The following MAGI2 variants were observed in gnomAD, a reference collection of about 807,000 sequenced individuals.
MAGI2 encodes the protein membrane-associated guanylate kinase, WW and PDZ domain-containing protein 2.
A neutral mutation model predicts 133.3 loss-of-function variants in MAGI2; 35 were observed. The ratio of observed to expected loss-of-function variants is 0.26; its 90% CI spans 0.20 to 0.35. The LOEUF is 0.35. MAGI2 is among the 10% of genes least tolerant of loss of function. The probability of loss-of-function intolerance (pLI) is 1.00; values close to 1 mark genes in which losing one functional copy is unlikely to be tolerated. For synonymous variants in MAGI2, 729 were observed against 710.6 expected, an observed-to-expected ratio of 1.03 and a Z score of -0.41; for missense variants, 1,636 against 1,863.4, an observed-to-expected ratio of 0.88 and a Z score of 2.25.
intron 1 of MAGI2, among the ~76,000 whole-genome samples, chr7:79,265,607 A>G (rs1469678219): frequency 3.9e-5 from 6 of 152,146 alleles, no homozygotes; most frequent in Non-Finnish European, 7.3e-5. Flanking sequence ...TATGTACCAT[A>G]ACAATACAAA....
At chr7:78,527,717 T>C (rs1292549308) in intron 3 of MAGI2, among the ~76,000 whole-genome samples, 4 of 152,146 alleles carry the variant, frequency 2.6e-5, no homozygotes, top group East Asian at 1.9e-4. Flanking sequence ...ACCTTTTTTC[T>C]TTAAACAAGA....
chr7:78,857,918 C>G (rs1157059129), intron 2 of MAGI2, among the ~76,000 whole-genome samples: 1 of 152,170 alleles, frequency 6.6e-6, no homozygotes, highest in Non-Finnish European at 1.5e-5. Flanking sequence ...TAATCATTGC[C>G]TCAATTTCAG....
chr7:79,311,020 A>G (rs1232173818), intron 1 of MAGI2, among the ~76,000 whole-genome samples: 2 of 152,086 alleles, frequency 1.3e-5, no homozygotes, highest in Middle Eastern at 3.4e-3. Flanking sequence ...TTATCTCTTT[A>G]CAATAAAACC....
At chr7:78,643,250 G>C (rs1810496875) in intron 2 of MAGI2, among the ~76,000 whole-genome samples, 1 of 152,184 alleles carries the variant, frequency 6.6e-6, no homozygotes, top group African/African-American at 2.4e-5. Context: ...GAAATGCCAA[G>C]AAAGTAGCTG....
Position 78,297,882 on chromosome 7 carries a change from G to A in MAGI2, c.1409-41301C>T, listed in dbSNP as rs1171157789. Among the ~76,000 whole-genome samples the A allele has an allele frequency of 6.0e-5, 9 of 149,098 alleles. No homozygotes were observed. The East Asian group carries it at 1.4e-3, about 24-fold the overall frequency. ...GATAGCATTGGGAGATACACCTAAT[G>A]CTAGGTGACGAGTTAGTGGGTGCAG... On this transcript the variant is annotated intron_variant, in intron 9 of 21. Transcript: ENST00000354212.
intron 10 of MAGI2, among the ~76,000 whole-genome samples, chr7:78,226,213 C>T (rs1025048891): frequency 1.1e-4 from 16 of 152,020 alleles, no homozygotes; most frequent in Non-Finnish European, 7.4e-5. Context: ...CAATATGCCA[C>T]CCTCACAGGT....
intron 6 of MAGI2, among the ~76,000 whole-genome samples, chr7:78,453,340 G>T (rs1293718805): frequency 6.6e-6 from 1 of 152,168 alleles, no homozygotes; most frequent in Non-Finnish European, 1.5e-5. Context: ...TCTTTCTTCA[G>T]GGATAAAAGG....
intron 17 of MAGI2, 109 bp from the exon 18 acceptor site, chr7:78,133,169 A>G: frequency 1.2e-6 from 1 of 840,216 alleles, no homozygotes; most frequent in African/African-American, 1.7e-5. Flanking sequence ...GGCTTTGGTT[A>G]TTTCCGTTTC....
At chr7:78,696,587 A>G (rs1817535996) in intron 2 of MAGI2, among the ~76,000 whole-genome samples, 1 of 152,190 alleles carries the variant, frequency 6.6e-6, no homozygotes, top group South Asian at 2.1e-4. Flanking sequence ...ATCTTGCATC[A>G]GGTTTCCTAA....
At chr7:78,476,314 G>T (rs1791745740) in intron 6 of MAGI2, among the ~76,000 whole-genome samples, 1 of 151,904 alleles carries the variant, frequency 6.6e-6, no homozygotes, top group South Asian at 2.1e-4. Context: ...GAAAAGTTTA[G>T]GTTAGTTAAA....
At chr7:79,188,304 T>G (rs1348658210) in intron 1 of MAGI2, among the ~76,000 whole-genome samples, 3 of 151,622 alleles carry the variant, frequency 2.0e-5, no homozygotes, top group Non-Finnish European at 4.4e-5. Flanking sequence ...CAGACCCTAG[T>G]GTTGTTGCTC....
At chr7:78,779,771 C>A (rs1826256490) in intron 2 of MAGI2, among the ~76,000 whole-genome samples, 1 of 152,196 alleles carries the variant, frequency 6.6e-6, no homozygotes. Context: ...AGTGAGCTCC[C>A]ATTACCTCAA....
intron 2 of MAGI2, among the ~76,000 whole-genome samples, chr7:78,974,553 A>G (rs1014199585): frequency 1.3e-5 from 2 of 151,892 alleles, no homozygotes; most frequent in African/African-American, 2.4e-5. Flanking sequence ...GAAAGGTAAC[A>G]TTTTCTCCTT....
intron 1 of MAGI2, among the ~76,000 whole-genome samples, chr7:79,341,059 C>T (rs1840866552): frequency 6.6e-6 from 1 of 152,134 alleles, no homozygotes; most frequent in African/African-American, 2.4e-5. Context: ...TCTGAATACA[C>T]AGGACTCTAG....
intron 1 of MAGI2, among the ~76,000 whole-genome samples, chr7:79,203,446 G>C (rs577436127): frequency 6.6e-6 from 1 of 151,948 alleles, no homozygotes; most frequent in African/African-American, 2.4e-5. Context: ...TTCCTCTCTA[G>C]TGTTCAGAAA....
chr7:78,511,364 G>A (rs867239276), intron 4 of MAGI2, among the ~76,000 whole-genome samples: 17 of 151,902 alleles, frequency 1.1e-4, no homozygotes, highest in African/African-American at 2.2e-4. Context: ...GAGCAGTCAC[G>A]CATTCTACAC....
At chr7:78,119,503 G>C (rs550791444) in intron 20 of MAGI2, among the ~76,000 whole-genome samples, 1 of 135,922 alleles carries the variant, frequency 7.4e-6, no homozygotes, top group African/African-American at 2.8e-5. Context: ...GGAGGTTGCA[G>C]TGAGCCAAGA....
At position 78,061,409 on chromosome 7, in the gene MAGI2, TACACACACACACACAC is replaced by T. The variant is rs59531463; in HGVS notation, c.3706+17522_3706+17537del. Among the ~76,000 whole-genome samples the T allele has an allele frequency of 8.6e-3, 1,207 of 139,790 alleles. 8 individuals are homozygous for T. The highest frequency in any genetic ancestry group is 0.015 in the African/African-American group (563 of 36,422). 91.7% of individuals were successfully genotyped at this position (139,790 alleles called of 152,430 possible). A position where few individuals can be genotyped will look rare whatever the true frequency, so the allele number is the denominator to read the frequency against. ...TATGCTCACATCTGGGGACTGGTTG[TACACACACACACACAC>T]ACACACACACACACACACACACACA... On this transcript the variant is annotated intron_variant, in intron 21 of 21. Transcript: ENST00000354212.
At chr7:79,286,846 T>C (rs1836041493) in intron 1 of MAGI2, among the ~76,000 whole-genome samples, 1 of 152,110 alleles carries the variant, frequency 6.6e-6, no homozygotes, top group Non-Finnish European at 1.5e-5. Context: ...CACTGATTCC[T>C]ATCTTTAAAA....
Sources: allele counts gnomAD v4.1 joint callset (sites outside exome capture counted in the v4.1 genomes callset), GRCh38; gene constraint gnomAD v4.1.1; transcripts MANE v1.5; gene names NCBI Gene and HGNC (gene_info 2026-07-23, HGNC 2026-07-21).